MECOM: variants seen among roughly 807,000 people sequenced by gnomAD.
MECOM encodes the protein MDS1 and EVI1 complex locus, also known as histone-lysine N-methyltransferase MECOM.
MECOM carries 13 observed loss-of-function variants against 116.3 expected under a neutral mutation model. That is an observed-to-expected ratio of 0.11 (90% CI 0.07 to 0.18). The LOEUF (loss-of-function observed/expected upper bound fraction) is 0.18, where lower values mean the gene tolerates loss of function less well. MECOM is among the 10% of genes least tolerant of loss of function. The probability of loss-of-function intolerance (pLI) is 1.00; values close to 1 mark genes in which losing one functional copy is unlikely to be tolerated. For missense variants in MECOM, 1,299 were observed against 1,509.0 expected (o/e 0.86, Z 2.31); for synonymous variants, 528 against 535.2 (o/e 0.99, Z 0.19).
chr3:169,421,865 C>A (rs1396029379), intron 1 of MECOM, among the ~76,000 whole-genome samples: 6 of 152,064 alleles, frequency 3.9e-5, no homozygotes, highest in African/African-American at 1.4e-4. Flanking sequence ...GATTAAACAT[C>A]TCTTGTCTCT....
At chr3:169,507,649 G>GTTTTTTTTTTTTTTTTTT (rs1491033517) in intron 1 of MECOM, among the ~76,000 whole-genome samples, 1 of 65,096 alleles carries the variant, frequency 1.5e-5, no homozygotes, top group African/African-American at 7.0e-5. Flanking sequence ...ATCCCCACTT[G>GTTTTTTTTTTTTTTTTTT]CTTTTTTTTT....
intron 1 of MECOM, among the ~76,000 whole-genome samples, chr3:169,446,658 C>T (rs1744678688): frequency 6.6e-6 from 1 of 152,154 alleles, no homozygotes; most frequent in Non-Finnish European, 1.5e-5. Context: ...TGTGCGTTAT[C>T]TTTATCTACC....
At chr3:169,453,079 A>G (rs1745874491) in intron 1 of MECOM, among the ~76,000 whole-genome samples, 1 of 152,224 alleles carries the variant, frequency 6.6e-6, no homozygotes, top group African/African-American at 2.4e-5. Context: ...TAAGTTACCA[A>G]TTAGCTTCTT....
intron 1 of MECOM, among the ~76,000 whole-genome samples, chr3:169,527,659 C>T (rs1758114751): frequency 6.6e-6 from 1 of 152,136 alleles, no homozygotes; most frequent in Non-Finnish European, 1.5e-5. Context: ...AATATCTTTT[C>T]TACAGAGGCT....
intron 2 of MECOM, among the ~76,000 whole-genome samples, chr3:169,356,743 C>T (rs1296906594): frequency 1.3e-5 from 2 of 151,886 alleles, no homozygotes; most frequent in African/African-American, 4.8e-5. Context: ...TCCGTAGGCC[C>T]TCATTCATGC....
intron 2 of MECOM, among the ~76,000 whole-genome samples, chr3:169,312,625 G>A (rs1044890769): frequency 9.2e-5 from 14 of 152,116 alleles, no homozygotes; most frequent in South Asian, 2.1e-4. Flanking sequence ...TGATCCGCCC[G>A]CCTCGGCCTC....
At chr3:169,328,352 C>T (rs899841925) in intron 2 of MECOM, among the ~76,000 whole-genome samples, 19 of 152,124 alleles carry the variant, frequency 1.2e-4, no homozygotes, top group Admixed American at 6.5e-4. Context: ...TATAAGTCAA[C>T]TAGATCGTGT....
intron 2 of MECOM, among the ~76,000 whole-genome samples, chr3:169,359,206 T>C (rs556184608): frequency 1.3e-5 from 2 of 151,932 alleles, no homozygotes; most frequent in East Asian, 3.9e-4. Context: ...TTTTCTTTTC[T>C]CAACACAACT....
intron 1 of MECOM, among the ~76,000 whole-genome samples, chr3:169,630,477 A>C (rs10936589): frequency 6.7e-6 from 1 of 149,600 alleles, no homozygotes; most frequent in Non-Finnish European, 1.5e-5. Context: ...AAAAAGACAG[A>C]GTCACACTCT....
intron 2 of MECOM, among the ~76,000 whole-genome samples, chr3:169,170,331 C>T (rs377194760): frequency 5.4e-5 from 8 of 147,792 alleles, no homozygotes; most frequent in African/African-American, 1.7e-4. Context: ...CCCCTGAACC[C>T]GGGAGGCGGA....
chr3:169,097,235 G>A (rs1365801171), intron 12 of MECOM, among the ~76,000 whole-genome samples: 2 of 151,932 alleles, frequency 1.3e-5, no homozygotes, highest in Non-Finnish European at 2.9e-5. Context: ...CACACAAAGG[G>A]TCTTTTCCAA....
intron 10 of MECOM, among the ~76,000 whole-genome samples, chr3:169,102,827 G>T (rs185014122): frequency 1.1e-3 from 162 of 152,000 alleles, no homozygotes; most frequent in Admixed American, 1.9e-3. Context: ...CATATACAAA[G>T]AATTTTGATT....
intron 3 of MECOM, among the ~76,000 whole-genome samples, chr3:169,141,179 A>G (rs1265811848): frequency 6.6e-6 from 1 of 152,090 alleles, no homozygotes; most frequent in African/African-American, 2.4e-5. Context: ...TACCATGACT[A>G]ACTTGCAATT....
Position 169,571,311 on chromosome 3 carries a change from A to T in MECOM, c.37+92025T>A, listed in dbSNP as rs1257285050. On this transcript the variant is annotated intron_variant, in intron 1 of 16. Transcript: ENST00000651503. The stretch of plus-strand genomic sequence containing the variant: ...GATGTGAAGGACCTCTTCAAGGAGA[A>T]CTAAAAACCATTGCTCAAGGAAATA... Among the ~76,000 whole-genome samples, 4 of 150,914 alleles carry T rather than the reference A, an allele frequency of 2.7e-5. No homozygotes were observed. The Admixed American group carries it at 2.7e-4, about 10-fold the overall frequency.
chr3:169,471,522 C>A (rs1358679326), intron 1 of MECOM, among the ~76,000 whole-genome samples: 1 of 152,174 alleles, frequency 6.6e-6, no homozygotes, highest in Non-Finnish European at 1.5e-5. Flanking sequence ...TCAGAAAAGT[C>A]ACACGCTCTT....
chr3:169,207,423 G>C (rs1301815668), intron 2 of MECOM, among the ~76,000 whole-genome samples: 1 of 152,176 alleles, frequency 6.6e-6, no homozygotes, highest in Non-Finnish European at 1.5e-5. Flanking sequence ...AAAATCAGAA[G>C]AGCAGCAGTC....
At chr3:169,539,815 TCAAGATCCTGTGTGA>T (rs1309775733) in intron 1 of MECOM, among the ~76,000 whole-genome samples, 3 of 151,954 alleles carry the variant, frequency 2.0e-5, no homozygotes, top group Non-Finnish European at 4.4e-5. Flanking sequence ...AACAGGGCCT[TCAAGATCCTGTGTGA>T]CAAAACCCCC....
At chr3:169,575,197 C>G (rs556425013) in intron 1 of MECOM, among the ~76,000 whole-genome samples, 64 of 152,298 alleles carry the variant, frequency 4.2e-4, no homozygotes, top group African/African-American at 1.3e-3. Context: ...CTCAGTTTCA[C>G]AGCCCATAAG....
At chr3:169,150,206 AAGACCTGATCC>A (rs1257977158) in intron 2 of MECOM, among the ~76,000 whole-genome samples, 2 of 152,214 alleles carry the variant, frequency 1.3e-5, no homozygotes, top group Non-Finnish European at 2.9e-5. Context: ...AATTATTTAG[AAGACCTGATCC>A]ATCTTCCCCA....
Sources: gnomAD v4.1 joint callset for allele counts (sites outside exome capture counted in the v4.1 genomes callset) on GRCh38, gnomAD v4.1.1 for gene constraint, MANE v1.5 for transcripts, NCBI Gene and HGNC (gene_info 2026-07-23, HGNC 2026-07-21) for gene names.